The following RAET1E variants were observed in gnomAD, a reference collection of about 807,000 sequenced individuals.
RAET1E encodes the protein NKG2D ligand 4.
RAET1E carries 27 observed loss-of-function variants against 21.1 expected under a neutral mutation model. The ratio of observed to expected loss-of-function variants is 1.28; its 90% CI spans 0.94 to 1.76. The LOEUF (loss-of-function observed/expected upper bound fraction) is 1.76, where lower values mean the gene tolerates loss of function less well. Among genes scored for constraint, RAET1E ranks in the 40% most tolerant of loss-of-function variants. The probability of loss-of-function intolerance (pLI) is 0.00; values close to 1 mark genes in which losing one functional copy is unlikely to be tolerated. For synonymous variants in RAET1E, 113 were observed against 115.0 expected (o/e 0.98, Z 0.11); for missense variants, 310 against 311.3 (o/e 1.00, Z 0.03).
chr6:149,890,056 T>C lies in RAET1E; in HGVS notation c.175A>G (p.Asn59Asp). Reference protein sequence around the residue: ...WCEAQVFLNKNLFLQYNSDNN... With the variant: ...WCEAQVFLNKDLFLQYNSDNN... ...TCACTGTTGTACTGAAGGAAAAGAT[T>C]TTTATTCAAGAAGACCTGCGCTTCA... Residue 59 changes from asparagine (N) to aspartate (D), a missense_variant, in exon 4 of 6, where the codon AAT becomes GAT. Physicochemically the swap from Asn to Asp is conservative, Grantham distance 23. Transcript: ENST00000357183. 1.2e-6 allele frequency: 2 copies of C among 1,614,132 alleles called. 1 individual carries two copies. Among genetic ancestry groups the C allele is most frequent in the African/African-American group, 2.7e-5 (2 of 75,014 alleles).
Position 149,886,498 on chromosome 6 carries a change from G to A in RAET1E, c.*2000C>T, listed in dbSNP as rs566370540. ...CAAACTCCGCCTCCTGAGTTCAAGC[G>A]ATTCTCCTGTCTCAGCCTCCCGAGT... is the stretch of plus-strand genomic sequence containing the variant. On this transcript the variant is annotated 3_prime_UTR_variant, in exon 6 of 6. Transcript: ENST00000357183. Among the ~76,000 whole-genome samples, 7 of 152,322 alleles carry A rather than the reference G, an allele frequency of 4.6e-5. No individual in the cohort carries two copies. Among genetic ancestry groups the A allele is most frequent in the Admixed American group, 2.6e-4 (4 of 15,298 alleles).
chr6:149,883,182 A>G lies in RAET1E; in HGVS notation c.*5316T>C, dbSNP rs142084632. 7.8e-4 allele frequency among the ~76,000 whole-genome samples: 119 copies of G among 152,298 alleles called. No homozygotes were observed. The highest frequency in any genetic ancestry group is 3.5e-3 in the Admixed American group (54 of 15,304). On this transcript the variant is annotated 3_prime_UTR_variant, in exon 6 of 6. Coordinates refer to ENST00000357183, the MANE Select transcript of RAET1E (RefSeq NM_001394057.1). ...AATAGAAGGGATAGTCTGAAAACAG[A>G]GTTGCAAATAAGTTTATAATTTGTA...
At position 149,897,690 on chromosome 6, in the gene RAET1E, C is replaced by T. The variant is rs548857435; in HGVS notation, c.-321+331G>A. Among the ~76,000 whole-genome samples, 52 of 152,152 alleles carry T rather than the reference C, an allele frequency of 3.4e-4. 1 individual carries two copies. In the South Asian group the frequency reaches 5.6e-3, roughly 16 times the overall value. On this transcript the variant is annotated intron_variant, in intron 1 of 5. Coordinates refer to ENST00000357183, the MANE Select transcript of RAET1E (RefSeq NM_001394057.1). ...TGAGGGAGAATGGGACAAGAGAAGT[C>T]GGAAAGAAGGAGTTAGGGCAGGAGA...
rs556093500 is a variant in RAET1E at position 149,888,952 on chromosome 6, GAC to G, written c.623-287_623-286del. 7.5e-4 allele frequency: 565 copies of G among 757,684 alleles called. 7 individuals are homozygous for G. In the African/African-American group the frequency reaches 9.2e-3, roughly 12 times the overall value. The allele number at this position is 757,684 out of a possible 1,614,324, so 46.9% of individuals were successfully genotyped here. A position where few individuals can be genotyped will look rare whatever the true frequency, so the allele number is the denominator to read the frequency against. ...CTGTGGTTAGAACTGTTTGGAGGAT[GAC>G]ACAATGGGTGGTGCTTAATTCTGTG... On this transcript the variant is annotated intron_variant, in intron 5 of 5. Transcript: ENST00000357183.
intron 5 of RAET1E, 85 bp from the exon 6 acceptor site, chr6:149,888,752 T>C (rs894791094): frequency 2.6e-5 from 39 of 1,485,802 alleles, no homozygotes; most frequent in Middle Eastern, 2.2e-4. Context: ...CCTTAGCCCC[T>C]GCTTTCCCCA....
chr6:149,889,207 T>A, intron 5 of RAET1E, 141 bp downstream of exon 5: 2 of 1,452,958 alleles, frequency 1.4e-6, no homozygotes, highest in Non-Finnish European at 9.0e-7. Context: ...GAAATCCTTA[T>A]AGCCATCACT....
chr6:149,884,577 C>T lies in RAET1E; in HGVS notation c.*3921G>A, dbSNP rs1055971391. 1 of 1,342,374 alleles carries T rather than the reference C, an allele frequency of 7.4e-7. No homozygotes were observed. The highest frequency in any genetic ancestry group is 1.4e-5 in the African/African-American group (1 of 69,214). 83.2% of individuals were successfully genotyped at this position (1,342,374 alleles called of 1,614,324 possible). On this transcript the variant is annotated 3_prime_UTR_variant, in exon 6 of 6. Transcript: ENST00000357183. ...CAGGATTGACCCCTCCGTGATCTCT[C>T]AGGACTCAGATCCCACCTCTCTCTC... is the stretch of plus-strand genomic sequence containing the variant.
rs1338944595 is a variant in RAET1E, at chr6:149,888,672, A to C, written c.623-5T>G. ...CTGAAGCATTTACTGGTGACACTAA[A>C]AAAAAAAAAAAAAAGAAAAAAAAGC... On this transcript the variant is annotated splice_region_variant and splice_polypyrimidine_tract_variant and intron_variant, in intron 5 of 5. Transcript: ENST00000357183. The C allele has an allele frequency of 2.7e-6, 3 of 1,122,898 alleles. No homozygotes were observed. Among genetic ancestry groups the C allele is most frequent in the Non-Finnish European group, 3.7e-6 (3 of 807,676 alleles). The allele number at this position is 1,122,898 out of a possible 1,614,324, so 69.6% of individuals were successfully genotyped here.
Position 149,883,264 on chromosome 6 carries a change from A to G in RAET1E, c.*5234T>C, listed in dbSNP as rs1777474606. ...ATTTACAACCATATCATCACTGAGA[A>G]TGGAGGAGAAAAAGAAAGATTTCCA... On this transcript the variant is annotated 3_prime_UTR_variant, in exon 6 of 6. Coordinates refer to ENST00000357183, the MANE Select transcript of RAET1E (RefSeq NM_001394057.1). 6.6e-6 allele frequency: 1 copy of G among 152,200 alleles called. No homozygotes were observed. The highest frequency in any genetic ancestry group is 2.4e-5 in the African/African-American group (1 of 41,466). The allele number at this position is 152,200 out of a possible 1,614,324, so 9.4% of individuals were successfully genotyped here.
Position 149,884,199 on chromosome 6 carries a change from G to A in RAET1E, c.*4299C>T. The A allele has an allele frequency of 2.5e-6, 1 of 399,282 alleles. No individual in the cohort carries two copies. The highest frequency in any genetic ancestry group is 4.6e-6 in the Non-Finnish European group (1 of 215,074). 24.7% of individuals were successfully genotyped at this position (399,282 alleles called of 1,614,324 possible). Reference sequence around the variant, plus strand: ...CGAGCAAAGGCTCACTGCAGCTTCAGATTCCTGGGCTCAAGTGATCCTCCT... The same window carrying A: ...CGAGCAAAGGCTCACTGCAGCTTCAAATTCCTGGGCTCAAGTGATCCTCCT... On this transcript the variant is annotated 3_prime_UTR_variant, in exon 6 of 6. Transcript: ENST00000357183.
intron 3 of RAET1E, 141 bp from the exon 4 acceptor site, chr6:149,890,286 G>A: frequency 1.2e-6 from 1 of 821,726 alleles, no homozygotes; most frequent in Non-Finnish European, 1.9e-6. Flanking sequence ...TCAACCTTCT[G>A]GATCCCTGTT....
rs983849951 is a variant in RAET1E, at chr6:149,885,258, C to T, written c.*3240G>A. 5.1e-5 allele frequency among the ~76,000 whole-genome samples: 6 copies of T among 118,396 alleles called. No homozygotes were observed. The highest frequency in any genetic ancestry group is 1.1e-4 in the Non-Finnish European group (6 of 56,712). 77.7% of individuals were successfully genotyped at this position (118,396 alleles called of 152,430 possible). ...GGTTTAAAGCCCGACTTTGCCAAAC[C>T]GCTGTGGATGCATTAATTTGGAAAG... On this transcript the variant is annotated 3_prime_UTR_variant, in exon 6 of 6. Coordinates refer to ENST00000357183, the MANE Select transcript of RAET1E (RefSeq NM_001394057.1).
rs138165204 is a variant in RAET1E at position 149,889,588 on chromosome 6, G to A, written c.382C>T (p.Arg128Cys). 23 of 1,614,166 alleles carry A rather than the reference G, an allele frequency of 1.4e-5. No homozygotes were observed. In the East Asian group the frequency reaches 3.8e-4, roughly 27 times the overall value. The change falls in exon 5 of 6, where the codon CGT (arginine) becomes TGT (cysteine). Residue 128 changes from arginine (R) to cysteine (C), a missense_variant. Physicochemically the swap from Arg to Cys is radical, Grantham distance 180. Coordinates refer to ENST00000357183, the MANE Select transcript of RAET1E (RefSeq NM_001394057.1). ...GCACCAGTGCACCGTTCTGCTTCACGTTGACAAAACATCTCGACTTGCAGA... is the reference window on the plus strand; with the variant it reads ...GCACCAGTGCACCGTTCTGCTTCACATTGACAAAACATCTCGACTTGCAGA... ...STLQVEMFCQ[R>C]EAERCTGASW...
Position 149,884,213 on chromosome 6 carries a change from A to G in RAET1E, c.*4285T>C. On this transcript the variant is annotated 3_prime_UTR_variant, in exon 6 of 6. Transcript: ENST00000357183. ...CTGCAGCTTCAGATTCCTGGGCTCA[A>G]GTGATCCTCCTGCCTAGGCCTCCCA... The G allele has an allele frequency of 2.4e-6, 1 of 418,768 alleles. No individual in the cohort carries two copies. The highest frequency in any genetic ancestry group is 4.4e-6 in the Non-Finnish European group (1 of 226,748). 25.9% of individuals were successfully genotyped at this position (418,768 alleles called of 1,614,324 possible).
chr6:149,891,118 A>T, intron 2 of RAET1E, 84 bp from the exon 3 acceptor site: 1 of 472,546 alleles, frequency 2.1e-6, no homozygotes. Flanking sequence ...GAAAAATAAA[A>T]GAAGACATTT....
chr6:149,890,933 G>A lies in RAET1E; in HGVS notation c.-32C>T, dbSNP rs371842451. 2.6e-4 allele frequency: 375 copies of A among 1,444,290 alleles called. No homozygotes were observed. The highest frequency in any genetic ancestry group is 1.0e-3 in the Middle Eastern group (6 of 5,784). The allele number at this position is 1,444,290 out of a possible 1,614,324, so 89.5% of individuals were successfully genotyped here. A position where few individuals can be genotyped will look rare whatever the true frequency, so the allele number is the denominator to read the frequency against. The stretch of plus-strand genomic sequence containing the variant: ...GAGAGTAACAGGCAGGAAGCTGGGC[G>A]TGTACACATTCACCCTCACTGGTAT... On this transcript the variant is annotated 5_prime_UTR_variant, in exon 3 of 6. In the 5' UTR this introduces an upstream ATG that the reference lacks. Coordinates refer to ENST00000357183, the MANE Select transcript of RAET1E (RefSeq NM_001394057.1).
At chr6:149,889,212 A>G in intron 5 of RAET1E, 136 bp downstream of exon 5, 1 of 1,459,346 alleles carries the variant, frequency 6.9e-7, no homozygotes, top group Non-Finnish European at 9.0e-7. Context: ...CCTTATAGCC[A>G]TCACTGACTC....
rs1437756044 is a variant in RAET1E, at chr6:149,884,720, T to C, written c.*3778A>G. Among the ~76,000 whole-genome samples the C allele has an allele frequency of 6.6e-6, 1 of 152,014 alleles. No homozygotes were observed. The highest frequency in any genetic ancestry group is 6.6e-5 in the Admixed American group (1 of 15,250). ...CAGACCCCAGCAGAGATTTTAGGGGTTCAGAGCCAAGGAAGGCAAAGTATC... is the reference window on the plus strand; with the variant it reads ...CAGACCCCAGCAGAGATTTTAGGGGCTCAGAGCCAAGGAAGGCAAAGTATC... On this transcript the variant is annotated 3_prime_UTR_variant, in exon 6 of 6. Coordinates refer to ENST00000357183, the MANE Select transcript of RAET1E (RefSeq NM_001394057.1).
chr6:149,896,881 C>T (rs7770964), intron 1 of RAET1E, among the ~76,000 whole-genome samples: 1,929 of 152,162 alleles, frequency 0.013, 35 homozygotes, highest in African/African-American at 0.044. Flanking sequence ...GGGAAAGGGG[C>T]CCTTCCACCT....
Sources: allele counts gnomAD v4.1 joint callset (sites outside exome capture counted in the v4.1 genomes callset), GRCh38; gene constraint gnomAD v4.1.1; transcripts MANE v1.5; gene names NCBI Gene and HGNC (gene_info 2026-07-23, HGNC 2026-07-21).